RHOT1: variants seen among roughly 807,000 people sequenced by gnomAD.
RHOT1 encodes mitochondrial Rho GTPase 1.
A neutral mutation model predicts 95.3 loss-of-function variants in RHOT1; 27 were observed. The ratio of observed to expected loss-of-function variants is 0.28; its 90% CI spans 0.21 to 0.39. The LOEUF (loss-of-function observed/expected upper bound fraction) is 0.39, where lower values mean the gene tolerates loss of function less well. Ranked by LOEUF, RHOT1 falls within the 10% of genes least tolerant of loss-of-function variation. The pLI is 1.00. For synonymous variants in RHOT1, 227 were observed against 263.5 expected, an observed-to-expected ratio of 0.86 and a Z score of 1.34; for missense variants, 578 against 786.7, an observed-to-expected ratio of 0.73 and a Z score of 3.17.
intron 8 of RHOT1, among the ~76,000 whole-genome samples, chr17:32,186,628 G>A (rs1465467494): frequency 6.6e-6 from 1 of 152,002 alleles, no homozygotes; most frequent in African/African-American, 2.4e-5. Flanking sequence ...GCCCCCCAAA[G>A]TGCTGGGATT....
intron 11 of RHOT1, among the ~76,000 whole-genome samples, chr17:32,197,080 A>G: frequency 6.6e-6 from 1 of 150,824 alleles, no homozygotes; most frequent in Non-Finnish European, 1.5e-5. Context: ...CCGAGATCGC[A>G]CCATTGCACT....
chr17:32,168,594 A>G (rs948233105), intron 1 of RHOT1, among the ~76,000 whole-genome samples: 9 of 149,682 alleles, frequency 6.0e-5, no homozygotes, highest in Admixed American at 4.0e-4. Context: ...CACACACACA[A>G]ACACATATAT....
chr17:32,155,299 A>G (rs2032834799), intron 1 of RHOT1, among the ~76,000 whole-genome samples: 1 of 151,592 alleles, frequency 6.6e-6, no homozygotes, highest in South Asian at 2.1e-4. Flanking sequence ...AGCTGTGACT[A>G]CAGGTGCCCA....
intron 1 of RHOT1, among the ~76,000 whole-genome samples, chr17:32,158,515 C>T (rs1055137020): frequency 1.6e-4 from 25 of 151,824 alleles, no homozygotes; most frequent in African/African-American, 5.1e-4. Context: ...AGTGCGGTGG[C>T]GCCATGCAAT....
intron 14 of RHOT1, among the ~76,000 whole-genome samples, chr17:32,202,169 C>CA (rs1416295503): frequency 1.3e-5 from 2 of 152,146 alleles, no homozygotes; most frequent in African/African-American, 2.4e-5. Context: ...GTTGGCCTCC[C>CA]ACAGTTCTGG....
chr17:32,166,438 G>A (rs1392106319), intron 1 of RHOT1, among the ~76,000 whole-genome samples: 1 of 152,066 alleles, frequency 6.6e-6, no homozygotes, highest in East Asian at 1.9e-4. Context: ...CTTAAAATAA[G>A]ACAACTATGA....
At chr17:32,169,913 G>A (rs1284196745) in intron 1 of RHOT1, among the ~76,000 whole-genome samples, 3 of 152,042 alleles carry the variant, frequency 2.0e-5, no homozygotes, top group Non-Finnish European at 4.4e-5. Context: ...GGAGGCTGAG[G>A]TGGGAGAATC....
In RHOT1 at chr17:32,225,676, T is replaced by C. The variant is rs1163799724; in HGVS notation, c.*943T>C. ...AAACTCTCATGATAAACCTATTTTT[T>C]CCATCATCAGCCTTTTCAAGTATTT... On this transcript the variant is annotated 3_prime_UTR_variant, in exon 20 of 20. Coordinates refer to ENST00000545287, the MANE Select transcript of RHOT1 (RefSeq NM_001033566.3). The C allele has an allele frequency of 6.6e-6, 1 of 152,226 alleles. No individual in the cohort carries two copies. Among genetic ancestry groups the C allele is most frequent in the East Asian group, 1.9e-4 (1 of 5,206 alleles). The allele number at this position is 152,226 out of a possible 1,614,324, so 9.4% of individuals were successfully genotyped here.
chr17:32,193,425 T>G (rs925840718), intron 10 of RHOT1, among the ~76,000 whole-genome samples, 181 bp downstream of exon 10: 1 of 152,206 alleles, frequency 6.6e-6, no homozygotes, highest in Non-Finnish European at 1.5e-5. Flanking sequence ...GATTATCATC[T>G]TTACTACCAA....
chr17:32,149,615 A>G (rs1213808975), intron 1 of RHOT1, among the ~76,000 whole-genome samples: 4,370 of 83,822 alleles, frequency 0.052, 408 homozygotes, highest in African/African-American at 0.28. Context: ...ATATATATAT[A>G]TATATATATA....
intron 5 of RHOT1, 34 bp from the exon 6 acceptor site, chr17:32,176,127 A>G: frequency 6.2e-7 from 1 of 1,602,364 alleles, no homozygotes; most frequent in African/African-American, 1.3e-5. Flanking sequence ...AAAGATCCTT[A>G]TCATGGCTAA....
chr17:32,224,370 T>G (rs1027494385), intron 19 of RHOT1, among the ~76,000 whole-genome samples: 5 of 152,208 alleles, frequency 3.3e-5, no homozygotes, highest in African/African-American at 1.2e-4. Context: ...GTTTACAAAT[T>G]TAGATGTCTA....
intron 1 of RHOT1, among the ~76,000 whole-genome samples, chr17:32,169,020 T>G (rs1268448542): frequency 1.3e-5 from 2 of 152,154 alleles, no homozygotes; most frequent in East Asian, 3.8e-4. Flanking sequence ...ACAAGTCAAT[T>G]GAAAAGGCCT....
chr17:32,222,058 C>A lies in RHOT1; in HGVS notation c.1863-2558C>A, dbSNP rs538295352. Reference sequence around the variant, plus strand: ...ATTATAGCTAGCTTAAATCCTAATTCTTTTTTCCTCCTAAGTTAAAAAATA... The same window carrying A: ...ATTATAGCTAGCTTAAATCCTAATTATTTTTTCCTCCTAAGTTAAAAAATA... On this transcript the variant is annotated intron_variant, in intron 19 of 19. Transcript: ENST00000545287. Among the ~76,000 whole-genome samples the A allele has an allele frequency of 2.6e-5, 4 of 152,272 alleles. No homozygotes were observed. In the South Asian group the frequency reaches 6.2e-4, roughly 24 times the overall value.
intron 15 of RHOT1, 23 bp from the exon 16 acceptor site, chr17:32,203,867 G>A: frequency 6.4e-7 from 1 of 1,570,400 alleles, no homozygotes. Context: ...TGCAGATATT[G>A]AGATTTTCGG....
chr17:32,210,910 G>A (rs2038085050), intron 18 of RHOT1, among the ~76,000 whole-genome samples: 1 of 152,044 alleles, frequency 6.6e-6, no homozygotes, highest in Non-Finnish European at 1.5e-5. Context: ...TTTTCTACAG[G>A]GAGGGAGGAG....
chr17:32,183,966 G>C (rs536456629), intron 8 of RHOT1, among the ~76,000 whole-genome samples: 14 of 152,228 alleles, frequency 9.2e-5, no homozygotes, highest in Non-Finnish European at 1.8e-4. Flanking sequence ...GATTACAGGC[G>C]TGAGCCACTG....
chr17:32,192,488 T>C (rs1322837240), intron 9 of RHOT1, among the ~76,000 whole-genome samples, 189 bp downstream of exon 9: 2 of 152,032 alleles, frequency 1.3e-5, no homozygotes, highest in Non-Finnish European at 2.9e-5. Flanking sequence ...ATTGAGGGGA[T>C]TCTGATAGCT....
At chr17:32,167,971 C>G (rs1196141246) in intron 1 of RHOT1, among the ~76,000 whole-genome samples, 1 of 151,944 alleles carries the variant, frequency 6.6e-6, no homozygotes, top group Non-Finnish European at 1.5e-5. Flanking sequence ...GAGTTTGAGG[C>G]TACAGTGAGC....
Sources: allele counts gnomAD v4.1 joint callset (sites outside exome capture counted in the v4.1 genomes callset), GRCh38; gene constraint gnomAD v4.1.1; transcripts MANE v1.5; gene names NCBI Gene and HGNC (gene_info 2026-07-23, HGNC 2026-07-21).